CSGALNACT1: variants seen among roughly 807,000 people sequenced by gnomAD.
CSGALNACT1 encodes beta4GalNAcT-1.
Under a neutral mutation model 51.0 loss-of-function variants are expected in CSGALNACT1, and 52 were observed. The observed-to-expected ratio is 1.02, with a 90% CI of 0.82 to 1.29. The LOEUF is 1.29. CSGALNACT1 is among the 50% of genes most tolerant of loss of function. The probability of loss-of-function intolerance (pLI) is 0.00; values close to 1 mark genes in which losing one functional copy is unlikely to be tolerated. For synonymous variants in CSGALNACT1, 341 were observed against 254.4 expected (o/e 1.34, Z -3.24); for missense variants, 935 against 679.2 (o/e 1.38, Z -4.19).
intron 3 of CSGALNACT1, among the ~76,000 whole-genome samples, chr8:19,582,730 C>A (rs2045848593): frequency 6.6e-6 from 1 of 152,070 alleles, no homozygotes; most frequent in Admixed American, 6.5e-5. Flanking sequence ...AAGGAAGCCA[C>A]CATAAAAAGC....
intron 1 of CSGALNACT1, among the ~76,000 whole-genome samples, chr8:19,658,218 T>C (rs943247407): frequency 6.6e-6 from 1 of 152,052 alleles, no homozygotes; most frequent in Non-Finnish European, 1.5e-5. Flanking sequence ...AAAGGCCATG[T>C]GCACACACAG....
chr8:19,487,905 T>TA lies in CSGALNACT1; in HGVS notation c.634+17295dup, dbSNP rs112991492. ...TGAAAATTCTCACTTCAAGATATGC[T>TA]AAAAAAACTGTGAAGTGATATTGAT... On this transcript the variant is annotated intron_variant, in intron 4 of 9. Coordinates refer to ENST00000454498, the Ensembl canonical transcript of CSGALNACT1. Among the ~76,000 whole-genome samples the TA allele has an allele frequency of 7.2e-5, 11 of 151,910 alleles. No homozygotes were observed. The South Asian group carries it at 1.2e-3, about 17-fold the overall frequency.
At chr8:19,711,274 C>A (rs2062488478) in intron 1 of CSGALNACT1, among the ~76,000 whole-genome samples, 1 of 152,072 alleles carries the variant, frequency 6.6e-6, no homozygotes, top group Non-Finnish European at 1.5e-5. Flanking sequence ...ATATTTTTAT[C>A]CTGAAATATT....
rs1390938611 is a variant in CSGALNACT1, at chr8:19,709,732, G to A, written c.-297+48118C>T. ...TATGGAGGTTTGAGCCTGCCCCCCC[G>A]CCCAGAGTCTGATGTCATTGTCTGG... On this transcript the variant is annotated intron_variant, in intron 1 of 1. Transcript: ENST00000517494. Among the ~76,000 whole-genome samples the A allele has an allele frequency of 3.3e-5, 5 of 152,130 alleles. No individual in the cohort carries two copies. In the South Asian group the frequency reaches 6.2e-4, roughly 19 times the overall value.
At chr8:19,603,293 C>T (rs368374060), upstream of CSGALNACT1, among the ~76,000 whole-genome samples, 1 of 152,162 alleles carries the variant, frequency 6.6e-6, no homozygotes, top group African/African-American at 2.4e-5. Context: ...ACAAAGTCAG[C>T]TGAAGTGTGA....
intron 1 of CSGALNACT1, among the ~76,000 whole-genome samples, chr8:19,741,838 A>G (rs966858663): frequency 1.3e-4 from 20 of 152,186 alleles, no homozygotes; most frequent in Admixed American, 4.6e-4. Flanking sequence ...ATTAATAATG[A>G]TGAGAGCTAA....
intron 6 of CSGALNACT1, among the ~76,000 whole-genome samples, chr8:19,425,734 C>A (rs1186968715): frequency 2.6e-5 from 4 of 152,208 alleles, no homozygotes; most frequent in Admixed American, 1.3e-4. Context: ...CTCGGATAGA[C>A]TGAGCCTTCC....
At chr8:19,658,663 G>C (rs923451386) in intron 1 of CSGALNACT1, among the ~76,000 whole-genome samples, 3 of 152,098 alleles carry the variant, frequency 2.0e-5, no homozygotes, top group African/African-American at 7.2e-5. Context: ...GAACCTGGGG[G>C]GCAGAGGTTA....
chr8:19,627,757 C>G (rs776274891), intron 1 of CSGALNACT1, among the ~76,000 whole-genome samples: 14 of 152,108 alleles, frequency 9.2e-5, no homozygotes, highest in Non-Finnish European at 1.8e-4. Context: ...CCTAGGAGTT[C>G]GAGGCTGCAG....
intron 1 of CSGALNACT1, among the ~76,000 whole-genome samples, chr8:19,746,908 C>A (rs1018889658): frequency 6.6e-6 from 1 of 152,218 alleles, no homozygotes; most frequent in Admixed American, 6.5e-5. Context: ...GTTTCACACA[C>A]TGGCATGTCA....
intron 7 of CSGALNACT1, among the ~76,000 whole-genome samples, chr8:19,419,151 C>G (rs2057454365): frequency 6.6e-6 from 1 of 152,158 alleles, no homozygotes; most frequent in Non-Finnish European, 1.5e-5. Flanking sequence ...CGGCCTGCAG[C>G]CACTTTTCCT....
intron 6 of CSGALNACT1, among the ~76,000 whole-genome samples, chr8:19,436,354 C>A (rs185639558): frequency 6.6e-6 from 1 of 152,072 alleles, no homozygotes; most frequent in Non-Finnish European, 1.5e-5. Context: ...GAGTCTAGAC[C>A]TTAACAGGAG....
intron 4 of CSGALNACT1, among the ~76,000 whole-genome samples, chr8:19,491,759 A>G (rs1035713254): frequency 6.6e-6 from 1 of 152,200 alleles, no homozygotes; most frequent in African/African-American, 2.4e-5. Flanking sequence ...CACTCTTAGC[A>G]TTTCATGTGT....
intron 1 of CSGALNACT1, among the ~76,000 whole-genome samples, chr8:19,732,250 C>T (rs2063732756): frequency 6.6e-6 from 1 of 152,214 alleles, no homozygotes; most frequent in Non-Finnish European, 1.5e-5. Context: ...AAAATCTGTC[C>T]TCAAAAACAC....
upstream of CSGALNACT1, among the ~76,000 whole-genome samples, chr8:19,607,238 T>G (rs1187768400): frequency 6.6e-6 from 1 of 152,022 alleles, no homozygotes; most frequent in African/African-American, 2.4e-5. Context: ...ATTGTCAACA[T>G]GGGAACCACT....
intron 8 of CSGALNACT1, among the ~76,000 whole-genome samples, chr8:19,412,228 G>C (rs567690157): frequency 5.9e-4 from 90 of 152,322 alleles, no homozygotes; most frequent in African/African-American, 2.0e-3. Context: ...TCCCAGCAGA[G>C]CACTGCAGGG....
chr8:19,643,348 G>C (rs1003989659), intron 1 of CSGALNACT1, among the ~76,000 whole-genome samples: 1 of 152,072 alleles, frequency 6.6e-6, no homozygotes, highest in African/African-American at 2.4e-5. Flanking sequence ...AAAAAGTAGG[G>C]AGCTTTCACC....
chr8:19,649,995 C>T (rs185663647), intron 1 of CSGALNACT1, among the ~76,000 whole-genome samples: 41 of 152,120 alleles, frequency 2.7e-4, no homozygotes, highest in Admixed American at 1.8e-3. Context: ...AGGTAGGGCC[C>T]TATTTCAGTA....
intron 3 of CSGALNACT1, among the ~76,000 whole-genome samples, chr8:19,588,445 C>G (rs1005863183): frequency 2.0e-5 from 3 of 152,116 alleles, no homozygotes; most frequent in African/African-American, 7.2e-5. Context: ...TCCAAGCAAA[C>G]TCAGAAAGAA....
Sources: allele counts gnomAD v4.1 joint callset (sites outside exome capture counted in the v4.1 genomes callset), GRCh38; gene constraint gnomAD v4.1.1; transcripts MANE v1.5; gene names NCBI Gene and HGNC (gene_info 2026-07-23, HGNC 2026-07-21).